Variants in EPHA3 observed in about 807,000 individuals in gnomAD.
EPHA3 encodes the protein EPH receptor A3.
EPHA3 carries 42 observed loss-of-function variants against 107.1 expected under a neutral mutation model. The ratio of observed to expected loss-of-function variants is 0.39; its 90% confidence interval spans 0.31 to 0.51. The LOEUF (loss-of-function observed/expected upper bound fraction) is 0.51, where lower values mean the gene tolerates loss of function less well. Ranked by LOEUF, EPHA3 falls within the 20% of genes least tolerant of loss-of-function variation. The probability of loss-of-function intolerance (pLI) is 0.78; values close to 1 mark genes in which losing one functional copy is unlikely to be tolerated. For synonymous variants in EPHA3, 461 were observed against 424.8 expected (o/e 1.09, Z -1.05); for missense variants, 1,183 against 1,211.2 (o/e 0.98, Z 0.35).
chr3:89,264,052 C>A (rs1406093621), intron 3 of EPHA3, among the ~76,000 whole-genome samples: 1 of 152,104 alleles, frequency 6.6e-6, no homozygotes, highest in Admixed American at 6.5e-5. Flanking sequence ...AAAGTCTTAA[C>A]CCATTCACGC....
intron 15 of EPHA3, among the ~76,000 whole-genome samples, chr3:89,451,812 C>T (rs1709996528): frequency 6.6e-6 from 1 of 151,968 alleles, no homozygotes; most frequent in Non-Finnish European, 1.5e-5. Flanking sequence ...GTGACTAAAG[C>T]TGGCGTTCAA....
At chr3:89,447,267 C>T (rs1709893644) in intron 13 of EPHA3, among the ~76,000 whole-genome samples, 1 of 152,170 alleles carries the variant, frequency 6.6e-6, no homozygotes, top group South Asian at 2.1e-4. Flanking sequence ...TCAGTAGAAA[C>T]TGTCAACTAT....
intron 11 of EPHA3, among the ~76,000 whole-genome samples, chr3:89,426,672 T>G (rs957818024): frequency 6.6e-6 from 1 of 151,164 alleles, no homozygotes; most frequent in Non-Finnish European, 1.5e-5. Context: ...AGGAAAGGAG[T>G]GATAAGTAAA....
intron 6 of EPHA3, among the ~76,000 whole-genome samples, chr3:89,396,834 A>G (rs1393232908): frequency 6.6e-6 from 1 of 152,214 alleles, no homozygotes; most frequent in Admixed American, 6.5e-5. Flanking sequence ...TTCTGTGGAC[A>G]TTACTTAAGT....
chr3:89,421,120 C>T (rs937288561), intron 11 of EPHA3, among the ~76,000 whole-genome samples: 9 of 151,280 alleles, frequency 5.9e-5, no homozygotes, highest in African/African-American at 1.2e-4. Context: ...TCTTTTATAT[C>T]GTTACTTTAA....
At chr3:89,299,918 AT>A (rs145148643) in intron 3 of EPHA3, among the ~76,000 whole-genome samples, 3,340 of 152,146 alleles carry the variant, frequency 0.022, 115 homozygotes, top group African/African-American at 0.076. Context: ...CTAAGATAGT[AT>A]TGCAATGTTC....
At chr3:89,112,678 C>T (rs1400964115) in intron 1 of EPHA3, among the ~76,000 whole-genome samples, 1 of 150,916 alleles carries the variant, frequency 6.6e-6, no homozygotes, top group Non-Finnish European at 1.5e-5. Flanking sequence ...GTTACATTTT[C>T]CAAGTCATAA....
intron 3 of EPHA3, among the ~76,000 whole-genome samples, chr3:89,229,644 A>G (rs1463056382): frequency 6.6e-6 from 1 of 151,812 alleles, no homozygotes; most frequent in African/African-American, 2.4e-5. Flanking sequence ...AATTTAAATA[A>G]ATAAACTATT....
chr3:89,248,517 A>G (rs929851797), intron 3 of EPHA3, among the ~76,000 whole-genome samples: 1 of 152,172 alleles, frequency 6.6e-6, no homozygotes, highest in East Asian at 1.9e-4. Context: ...GAATTCTTTA[A>G]AATATCTTTA....
intron 1 of EPHA3, among the ~76,000 whole-genome samples, chr3:89,120,257 G>A (rs1311192505): frequency 1.3e-5 from 2 of 152,118 alleles, no homozygotes; most frequent in Non-Finnish European, 2.9e-5. Context: ...ACTTTAAAAA[G>A]CAAAACTGTG....
chr3:89,134,024 A>ATTT (rs58260720), intron 2 of EPHA3, among the ~76,000 whole-genome samples: 3 of 143,938 alleles, frequency 2.1e-5, no homozygotes, highest in Admixed American at 7.0e-5. Flanking sequence ...TCAAAACAAC[A>ATTT]TTTTTTTTTT....
At chr3:89,471,933 C>T (rs1576395974) in intron 15 of EPHA3, among the ~76,000 whole-genome samples, 1 of 151,898 alleles carries the variant, frequency 6.6e-6, no homozygotes. Context: ...TTTTTAATGA[C>T]ATGCAGCATT....
intron 16 of EPHA3, among the ~76,000 whole-genome samples, chr3:89,474,650 G>T (rs1710470358): frequency 6.6e-6 from 1 of 152,108 alleles, no homozygotes; most frequent in South Asian, 2.1e-4. Context: ...AAATGTATGA[G>T]GCAGAACACT....
chr3:89,210,238 G>C lies in EPHA3; in HGVS notation c.532G>C (p.Gly178Arg). ...IREVGPVNKK[G>R]FYLAFQDVGA... ...AGAAGTAGGTCCTGTCAACAAGAAG[G>C]GATTTTATTTGGCATTTCAAGATGT... The change falls in exon 3 of 17, where the codon GGA becomes CGA. Residue 178 changes from glycine to arginine, a missense_variant. Physicochemically the swap from Gly to Arg is moderately radical, Grantham distance 125 (BLOSUM62 -2). Coordinates refer to ENST00000336596, the MANE Select transcript of EPHA3 (RefSeq NM_005233.6). The C allele has an allele frequency of 6.2e-7, 1 of 1,614,028 alleles. No individual in the cohort carries two copies. The highest frequency in any genetic ancestry group is 8.5e-7 in the Non-Finnish European group (1 of 1,179,952).
rs1182053604 is a variant in EPHA3, at chr3:89,431,320, T to C, written c.2307T>C (p.Arg769=). 2 of 1,613,798 alleles carry C rather than the reference T, an allele frequency of 1.2e-6. No individual in the cohort carries two copies. Among genetic ancestry groups the C allele is most frequent in the Admixed American group, 1.7e-5 (1 of 59,938 alleles). ...AGGTTTCTGATTTCGGACTTTCGCG[T>C]GTCCTGGAGGATGACCCAGAAGCTG... ...VCKVSDFGLS[R]VLEDDPEAAY... is the part of the protein sequence containing the mutation. Residue 769 remains arginine, a synonymous_variant, in exon 13 of 17, where the codon CGT becomes CGC. Coordinates refer to ENST00000336596, the MANE Select transcript of EPHA3 (RefSeq NM_005233.6).
At chr3:89,399,939 T>G (rs1223028571) in intron 7 of EPHA3, 2 of 1,052,038 alleles carry the variant, frequency 1.9e-6, no homozygotes, top group Non-Finnish European at 2.3e-6. Flanking sequence ...TTCTAAAATG[T>G]GTTTTATCAC....
At chr3:89,115,630 T>C (rs1317590852) in intron 1 of EPHA3, among the ~76,000 whole-genome samples, 2 of 152,206 alleles carry the variant, frequency 1.3e-5, no homozygotes, top group African/African-American at 4.8e-5. Flanking sequence ...AGAAAATAAT[T>C]GCTCAGTGCT....
At chr3:89,204,188 C>G (rs1027519640) in intron 2 of EPHA3, among the ~76,000 whole-genome samples, 2 of 152,094 alleles carry the variant, frequency 1.3e-5, no homozygotes, top group African/African-American at 4.8e-5. Flanking sequence ...CAGATCTTTT[C>G]AGTATACTGT....
At chr3:89,378,227 G>A (rs571807406) in intron 5 of EPHA3, among the ~76,000 whole-genome samples, 13 of 152,062 alleles carry the variant, frequency 8.5e-5, no homozygotes, top group South Asian at 6.2e-4. Flanking sequence ...AAAGGGGGAC[G>A]TTCTACACAT....
Sources: allele counts gnomAD v4.1 joint callset (sites outside exome capture counted in the v4.1 genomes callset), GRCh38; gene constraint gnomAD v4.1.1; transcripts MANE v1.5; gene names NCBI Gene and HGNC (gene_info 2026-07-23, HGNC 2026-07-21).